RAPH1: variants seen among roughly 807,000 people sequenced by gnomAD.
RAPH1 encodes the protein ras-associated and pleckstrin homology domains-containing protein 1.
Under a neutral mutation model 88.1 loss-of-function variants are expected in RAPH1, and 18 were observed. The ratio of observed to expected loss-of-function variants is 0.20; its 90% CI spans 0.14 to 0.30. The LOEUF is 0.30. RAPH1 is among the 10% of genes least tolerant of loss of function. The pLI is 1.00. For missense variants in RAPH1, 1,448 were observed against 1,543.2 expected (o/e 0.94, Z 1.03); for synonymous variants, 587 against 559.0 (o/e 1.05, Z -0.71).
intron 1 of RAPH1, among the ~76,000 whole-genome samples, chr2:203,521,647 A>G (rs1311115681): frequency 1.3e-5 from 2 of 152,162 alleles, no homozygotes; most frequent in Non-Finnish European, 2.9e-5. Flanking sequence ...AACAAATTTT[A>G]TTTTTAAAAA....
At chr2:203,499,294 C>T (rs1688640777) in intron 1 of RAPH1, among the ~76,000 whole-genome samples, 1 of 152,118 alleles carries the variant, frequency 6.6e-6, no homozygotes, top group Non-Finnish European at 1.5e-5. Context: ...GAGAACATGA[C>T]AGCAATGACA....
At chr2:203,526,045 ACTC>A (rs1478846416) in intron 1 of RAPH1, among the ~76,000 whole-genome samples, 1 of 152,166 alleles carries the variant, frequency 6.6e-6, no homozygotes, top group Non-Finnish European at 1.5e-5. Context: ...ATAAAATGCT[ACTC>A]AATTACTAAG....
Position 203,448,879 on chromosome 2 carries a change from C to A in RAPH1, c.1414-43G>T. 7.2e-7 allele frequency: 1 copy of A among 1,390,628 alleles called. No individual in the cohort carries two copies. Among genetic ancestry groups the A allele is most frequent in the Non-Finnish European group, 1.0e-6 (1 of 995,060 alleles). The allele number at this position is 1,390,628 out of a possible 1,614,324, so 86.1% of individuals were successfully genotyped here. ...AAATCCAACTAAGTCCCTTGGAGAACTAAAGAAAAACAAACTTTATCAAAG... is the reference window on the plus strand; with the variant it reads ...AAATCCAACTAAGTCCCTTGGAGAAATAAAGAAAAACAAACTTTATCAAAG... On this transcript the variant is annotated intron_variant, in intron 10 of 13. Coordinates refer to ENST00000319170, the MANE Select transcript of RAPH1 (RefSeq NM_213589.3). This position sits in a 1 kb window ranked among gnomAD's most constrained non-coding sequence, Gnocchi z 4.1.
rs2098511743 is a variant in RAPH1 at position 203,448,263 on chromosome 2, T to C, written c.1513-184A>G. 1.3e-5 allele frequency among the ~76,000 whole-genome samples: 2 copies of C among 152,228 alleles called. No homozygotes were observed. The highest frequency in any genetic ancestry group is 2.9e-5 in the Non-Finnish European group (2 of 68,044). On this transcript the variant is annotated intron_variant, in intron 11 of 13. Coordinates refer to ENST00000319170, the MANE Select transcript of RAPH1 (RefSeq NM_213589.3). The surrounding 1 kb of genome is among the most constrained non-coding windows in gnomAD (Gnocchi z 4.1). ...AATCTATTCTTATTTCTCCTCATTT[T>C]TAGAGGGGCAGCAAGAAGTCAACAC...
chr2:203,458,447 T>C (rs1054010088), intron 7 of RAPH1, among the ~76,000 whole-genome samples: 3 of 152,170 alleles, frequency 2.0e-5, no homozygotes, highest in African/African-American at 7.2e-5. Flanking sequence ...CCATAGGAGA[T>C]TGATTCTAGG....
chr2:203,470,520 G>C (rs917693573), intron 4 of RAPH1, among the ~76,000 whole-genome samples: 1 of 152,162 alleles, frequency 6.6e-6, no homozygotes, highest in Non-Finnish European at 1.5e-5. Context: ...GACATCATCC[G>C]TGCCAGTAGG....
chr2:203,506,869 T>TCTAC lies in RAPH1; in HGVS notation c.1-11517_1-11516insGTAG, dbSNP rs1559494946. 1.9e-5 allele frequency among the ~76,000 whole-genome samples: 2 copies of TCTAC among 106,712 alleles called. 1 individual carries two copies. The highest frequency in any genetic ancestry group is 9.4e-5 in the African/African-American group (2 of 21,180). 70.0% of individuals were successfully genotyped at this position (106,712 alleles called of 152,430 possible). A position where few individuals can be genotyped will look rare whatever the true frequency, so the allele number is the denominator to read the frequency against. Reference sequence around the variant, plus strand: ...ATCTATCTATATCTATATATATATATATATATATATAGATATATATATATA... The same window carrying TCTAC: ...ATCTATCTATATCTATATATATATATCTACATATATATATAGATATATATATATA... On this transcript the variant is annotated intron_variant, in intron 1 of 13. Transcript: ENST00000319170.
In RAPH1 at chr2:203,440,481, C is replaced by G. The variant is rs557328657; in HGVS notation, c.2709G>C (p.Lys903Asn). Residue 903 changes from lysine to asparagine, a missense_variant, in exon 14 of 14, where the codon AAG becomes AAC. Physicochemically the swap from Lys to Asn is moderately conservative, Grantham distance 94. Transcript: ENST00000319170. ...GGACTGGGATGGAGCTGGGCTGCCA[C>G]TTGGGCTTTGCTTTTACTGCAGGAG... ...QSPPAVKAKP[K>N]WQPSSIPVPS... The G allele has an allele frequency of 2.0e-6, 3 of 1,532,184 alleles. No individual in the cohort carries two copies. In the South Asian group the frequency reaches 3.9e-5, roughly 20 times the overall value. The allele number at this position is 1,532,184 out of a possible 1,614,324, so 94.9% of individuals were successfully genotyped here. A position where few individuals can be genotyped will look rare whatever the true frequency, so the allele number is the denominator to read the frequency against.
chr2:203,442,220 C>T (rs1239683974), intron 13 of RAPH1: 14 of 827,804 alleles, frequency 1.7e-5, no homozygotes, highest in Non-Finnish European at 1.6e-5. Context: ...TGGCAGCTAG[C>T]ATTTGCCAAC....
chr2:203,444,194 G>T lies in RAPH1; in HGVS notation c.1776+674C>A, dbSNP rs563361142. ...CTCGCCTGTAATCCCAGCACTCTGG[G>T]AGGCTGAGGCAGGTGGATCTCGAAG... On this transcript the variant is annotated intron_variant, in intron 13 of 13. Transcript: ENST00000319170. 3.2e-3 allele frequency: 481 copies of T among 152,422 alleles called. 1 individual carries two copies. Among genetic ancestry groups the T allele is most frequent in the Non-Finnish European group, 4.1e-3 (282 of 68,162 alleles). The allele number at this position is 152,422 out of a possible 1,614,324, so 9.4% of individuals were successfully genotyped here.
chr2:203,501,341 C>T (rs1688731942), intron 1 of RAPH1, among the ~76,000 whole-genome samples: 2 of 152,172 alleles, frequency 1.3e-5, no homozygotes. Flanking sequence ...TGCTTGGTTT[C>T]TTTCTCTCAT....
In RAPH1 at chr2:203,474,482, T is replaced by G. The variant is rs866070121; in HGVS notation, c.733-12557A>C. ...TTTACATCTAAAAAGTATTTTTGCATAATTTTAATACTGAATGAATTTTCC... is the reference window on the plus strand; with the variant it reads ...TTTACATCTAAAAAGTATTTTTGCAGAATTTTAATACTGAATGAATTTTCC... On this transcript the variant is annotated intron_variant, in intron 4 of 13. Coordinates refer to ENST00000319170, the MANE Select transcript of RAPH1 (RefSeq NM_213589.3). 1.1e-4 allele frequency among the ~76,000 whole-genome samples: 17 copies of G among 152,356 alleles called. No individual in the cohort carries two copies. In the Middle Eastern group the frequency reaches 0.031, roughly 274 times the overall value.
intron 1 of RAPH1, among the ~76,000 whole-genome samples, chr2:203,505,731 C>A (rs1019554924): frequency 6.6e-6 from 1 of 152,154 alleles, no homozygotes; most frequent in Non-Finnish European, 1.5e-5. Flanking sequence ...ATTCCAGATT[C>A]TCAATTTCAA....
chr2:203,524,046 A>G (rs1690009449), intron 1 of RAPH1, among the ~76,000 whole-genome samples: 1 of 152,226 alleles, frequency 6.6e-6, no homozygotes, highest in African/African-American at 2.4e-5. Context: ...ACAGACTAAG[A>G]GAAAATATTT....
At chr2:203,512,971 T>A (rs1214637728) in intron 1 of RAPH1, among the ~76,000 whole-genome samples, 2 of 152,150 alleles carry the variant, frequency 1.3e-5, no homozygotes, top group East Asian at 3.8e-4. Context: ...AAATCTCAAA[T>A]AGGTAAATCT....
intron 4 of RAPH1, among the ~76,000 whole-genome samples, chr2:203,466,411 A>C (rs2098528520): frequency 6.6e-6 from 1 of 152,232 alleles, no homozygotes; most frequent in South Asian, 2.1e-4. Flanking sequence ...GAAAAATAGA[A>C]ATTGTCTTAA....
chr2:203,455,070 G>C (rs1159763496), intron 9 of RAPH1, among the ~76,000 whole-genome samples: 1 of 152,132 alleles, frequency 6.6e-6, no homozygotes, highest in Non-Finnish European at 1.5e-5. Context: ...CTACACCAGG[G>C]TGGCCCTTAG....
At chr2:203,504,702 G>A (rs902808125) in intron 1 of RAPH1, among the ~76,000 whole-genome samples, 1 of 150,908 alleles carries the variant, frequency 6.6e-6, no homozygotes, top group Non-Finnish European at 1.5e-5. Flanking sequence ...CTTTTCTACT[G>A]CATCATCAGG....
Position 203,447,976 on chromosome 2 carries a change from C to T in RAPH1, c.1616G>A (p.Ser539Asn), listed in dbSNP as rs1472415793. Residue 539 changes from serine (S) to asparagine (N), a missense_variant, in exon 12 of 14, where the codon AGT (serine) becomes AAT (asparagine). Around this residue, in one of 2 missense-constraint regions of RAPH1, gnomAD observed 513 missense variants for 653.1 expected, o/e 0.79. Coordinates refer to ENST00000319170, the MANE Select transcript of RAPH1 (RefSeq NM_213589.3). ...LSSSSIKSGS[S>N]SSSIPESQSN... Reference sequence around the variant, plus strand: ...TGAACTACCTGGGATGCTGGAAGAACTGGATCCCGATTTAATGCTGGAGCT... The same window carrying T: ...TGAACTACCTGGGATGCTGGAAGAATTGGATCCCGATTTAATGCTGGAGCT... 2 of 1,613,798 alleles carry T rather than the reference C, an allele frequency of 1.2e-6. No individual in the cohort carries two copies. The highest frequency in any genetic ancestry group is 4.5e-5 in the East Asian group (2 of 44,860).
Sources: allele counts gnomAD v4.1 joint callset (sites outside exome capture counted in the v4.1 genomes callset), GRCh38; gene constraint gnomAD v4.1.1; regional missense constraint gnomAD v4.1.1; non-coding constraint Gnocchi (gnomAD v3.1); transcripts MANE v1.5; gene names NCBI Gene and HGNC (gene_info 2026-07-23, HGNC 2026-07-21).